The following BMX variants were observed in gnomAD, a reference collection of about 807,000 sequenced individuals.
The protein encoded by BMX is BMX non-receptor tyrosine kinase.
BMX carries 31 observed loss-of-function variants against 59.2 expected under a neutral mutation model. The ratio of observed to expected loss-of-function variants is 0.52; its 90% confidence interval spans 0.39 to 0.71. The LOEUF (loss-of-function observed/expected upper bound fraction) is 0.71, where lower values mean the gene tolerates loss of function less well. Ranked by LOEUF, BMX falls within the 30% of genes least tolerant of loss-of-function variation. The pLI is 0.00. For missense variants in BMX, 474 were observed against 491.7 expected, an observed-to-expected ratio of 0.96 and a Z score of 0.34; for synonymous variants, 185 against 181.0, an observed-to-expected ratio of 1.02 and a Z score of -0.18.
In BMX at chrX:15,534,263, C is replaced by A; in HGVS notation, c.1071C>A (p.Asn357Lys). The change falls in exon 12 of 19, where the codon AAC becomes AAA. Residue 357 changes from asparagine (N) to lysine (K), a missense_variant. Coordinates refer to ENST00000348343, the MANE Select transcript of BMX (RefSeq NM_203281.3). ...ACCACGTGCATACAAATGCTGAGAA[C>A]AAATTATACCTGGCAGAAAACTACT... ...KHYHVHTNAE[N>K]KLYLAENYCF... 8.4e-7 allele frequency: 1 copy of A among 1,192,867 alleles called. No individual in the cohort carries two copies. Among genetic ancestry groups the A allele is most frequent in the Non-Finnish European group, 1.1e-6 (1 of 884,120 alleles).
intron 9 of BMX, among the ~76,000 whole-genome samples, chrX:15,527,281 T>TACAC (rs1215452618): frequency 2.2e-4 from 12 of 54,413 alleles, no homozygotes; most frequent in African/African-American, 8.9e-4. Context: ...TATATATATA[T>TACAC]ATACACACAC....
At chrX:15,534,839 G>A (rs1247434130) in intron 12 of BMX, among the ~76,000 whole-genome samples, 3 of 111,161 alleles carry the variant, frequency 2.7e-5, no homozygotes, top group African/African-American at 9.8e-5. Flanking sequence ...TACTCAACAT[G>A]TCTTAGAAGT....
rs73635811 is a variant in BMX, at chrX:15,522,330, T to C, written c.511-16T>C. ...GTGCCTCACTGTGATGTATTAAAAT[T>C]TCTTCCCCTCCAAAGCTGAAGATAC... On this transcript the variant is annotated splice_polypyrimidine_tract_variant and intron_variant, in intron 6 of 18. Transcript: ENST00000348343. 24,963 of 1,206,425 alleles carry C rather than the reference T, an allele frequency of 0.021. 2,416 individuals carry two copies. The African/African-American group carries it at 0.32, about 16-fold the overall frequency.
intron 14 of BMX, among the ~76,000 whole-genome samples, chrX:15,541,394 C>T (rs1925670866): frequency 9.1e-6 from 1 of 110,172 alleles, no homozygotes; most frequent in Admixed American, 9.7e-5. Context: ...ATCTGAGTGT[C>T]CATGCCATCA....
At chrX:15,514,932 T>C (rs1038470497) in intron 4 of BMX, among the ~76,000 whole-genome samples, 3 of 111,262 alleles carry the variant, frequency 2.7e-5, no homozygotes, top group Non-Finnish European at 5.7e-5. Flanking sequence ...ATTAGAAAAA[T>C]TTTAAAGATG....
chrX:15,523,221 C>T (rs1480069132), intron 7 of BMX, among the ~76,000 whole-genome samples: 1 of 111,997 alleles, frequency 8.9e-6, no homozygotes. Flanking sequence ...ACTCCCCTTC[C>T]TTATTTCCTG....
At chrX:15,552,046 GAC>G (rs1053488803) in intron 18 of BMX, among the ~76,000 whole-genome samples, 1 of 112,220 alleles carries the variant, frequency 8.9e-6, no homozygotes, top group African/African-American at 3.2e-5. Context: ...TAGTGTACAA[GAC>G]ACAGTGTCCA....
chrX:15,520,853 A>C (rs1924413231), intron 6 of BMX, among the ~76,000 whole-genome samples: 1 of 111,399 alleles, frequency 9.0e-6, no homozygotes, highest in Non-Finnish European at 1.9e-5. Flanking sequence ...GGAACTTCCT[A>C]GTGCATTTTT....
chrX:15,542,365 A>T, intron 15 of BMX, among the ~76,000 whole-genome samples, 167 bp downstream of exon 15: 1 of 112,134 alleles, frequency 8.9e-6, no homozygotes, highest in Non-Finnish European at 1.9e-5. Flanking sequence ...ATGTAAAAAT[A>T]TTTGAAGTAT....
chrX:15,555,047 C>T (rs1926362044), intron 18 of BMX, among the ~76,000 whole-genome samples: 1 of 110,855 alleles, frequency 9.0e-6, no homozygotes, highest in African/African-American at 3.3e-5. Flanking sequence ...GCCATTTTTA[C>T]ATATTTTTTA....
intron 9 of BMX, among the ~76,000 whole-genome samples, chrX:15,528,115 A>G (rs748446892): frequency 8.9e-6 from 1 of 112,448 alleles, no homozygotes; most frequent in East Asian, 2.8e-4. Flanking sequence ...TGAGAGACAG[A>G]CATTGAGGAA....
Position 15,542,185 on chromosome X carries a change from T to C in BMX, c.1598T>C (p.Ile533Thr). ...GMAFLESHQF[I>T]HRDLAARNCL... ...GCCTTCTTGGAGAGTCACCAATTCA[T>C]ACACCGGGACTTGGTAAGCAAAGCC... The change falls in exon 15 of 19, where the codon ATA (isoleucine) becomes ACA (threonine). Residue 533 changes from isoleucine to threonine, a missense_variant. Transcript: ENST00000348343. 2.5e-6 allele frequency: 3 copies of C among 1,210,255 alleles called. No individual in the cohort carries two copies. The highest frequency in any genetic ancestry group is 3.0e-5 in the East Asian group (1 of 33,815).
chrX:15,507,673 A>C (rs1358805729), intron 1 of BMX, among the ~76,000 whole-genome samples: 1 of 112,089 alleles, frequency 8.9e-6, no homozygotes, highest in Non-Finnish European at 1.9e-5. Context: ...TTTGGGATAA[A>C]AAGGAAGAGT....
intron 6 of BMX, 77 bp from the exon 7 acceptor site, chrX:15,522,269 G>T: frequency 9.3e-7 from 1 of 1,076,030 alleles, no homozygotes; most frequent in Non-Finnish European, 1.3e-6. Flanking sequence ...TTCAAGAGCT[G>T]ATATACTTAA....
chrX:15,535,673 A>G (rs1294756241), intron 12 of BMX, among the ~76,000 whole-genome samples: 2 of 111,762 alleles, frequency 1.8e-5, no homozygotes, highest in Admixed American at 1.9e-4. Flanking sequence ...AATTTAGTTG[A>G]TTAAAGGTAA....
At chrX:15,505,596 A>G (rs997816615) in intron 1 of BMX, among the ~76,000 whole-genome samples, 2 of 112,713 alleles carry the variant, frequency 1.8e-5, no homozygotes, top group Admixed American at 1.9e-4. Flanking sequence ...TAGAATAAAC[A>G]TATATTGCAT....
Position 15,556,056 on chromosome X carries a change from T to C in BMX, c.1954-17T>C, listed in dbSNP as rs770074357. 1 of 1,193,286 alleles carries C rather than the reference T, an allele frequency of 8.4e-7. No individual in the cohort carries two copies. Among genetic ancestry groups the C allele is most frequent in the South Asian group, 1.8e-5 (1 of 54,327 alleles). ...CTCATCATCTAAAACATTGGGTTTCTTGTTGTTTTTGTTTAGCTTCCAGAA... is the reference window on the plus strand; with the variant it reads ...CTCATCATCTAAAACATTGGGTTTCCTGTTGTTTTTGTTTAGCTTCCAGAA... On this transcript the variant is annotated splice_polypyrimidine_tract_variant and intron_variant, in intron 18 of 18. Coordinates refer to ENST00000348343, the MANE Select transcript of BMX (RefSeq NM_203281.3).
chrX:15,516,643 C>T (rs1039229642), intron 5 of BMX, among the ~76,000 whole-genome samples: 10 of 104,622 alleles, frequency 9.6e-5, no homozygotes, highest in Admixed American at 2.1e-4. Context: ...GTATAAATAA[C>T]GAAAATCACA....
At chrX:15,524,545 ATAAAAGCTATTC>A (rs1924617555) in intron 7 of BMX, among the ~76,000 whole-genome samples, 1 of 112,409 alleles carries the variant, frequency 8.9e-6, no homozygotes, top group Non-Finnish European at 1.9e-5. Context: ...ACAAGGCTAA[ATAAAAGCTATTC>A]TAGTGGGCAA....
Sources: gnomAD v4.1 joint callset for allele counts (sites outside exome capture counted in the v4.1 genomes callset) on GRCh38, gnomAD v4.1.1 for gene constraint, MANE v1.5 for transcripts, NCBI Gene and HGNC (gene_info 2026-07-23, HGNC 2026-07-21) for gene names.